Variants in LPAR3 observed in about 807,000 individuals in gnomAD.
LPAR3 encodes the protein lysophosphatidic acid receptor 3.
LPAR3 carries 7 observed loss-of-function variants against 17.8 expected under a neutral mutation model. That is an observed-to-expected ratio of 0.39 (90% CI 0.22 to 0.74). LPAR3 has a LOEUF of 0.74. LPAR3 is among the 30% of genes least tolerant of loss of function. LPAR3 has a pLI of 0.40. For synonymous variants in LPAR3, 179 were observed against 179.9 expected (o/e 0.99, Z 0.04); for missense variants, 391 against 453.4 (o/e 0.86, Z 1.25).
At chr1:84,851,364 GGTCCCAC>G (rs1659708431) in intron 2 of LPAR3, among the ~76,000 whole-genome samples, 1 of 150,962 alleles carries the variant, frequency 6.6e-6, no homozygotes, top group African/African-American at 2.4e-5. Flanking sequence ...TCCCACCCCA[GGTCCCAC>G]CCAATAAGCA....
At chr1:84,875,176 A>C (rs1434670098) in intron 1 of LPAR3, among the ~76,000 whole-genome samples, 1 of 152,226 alleles carries the variant, frequency 6.6e-6, no homozygotes, top group Non-Finnish European at 1.5e-5. Context: ...CTGAGATGAC[A>C]GACGTGAGCC....
chr1:84,849,250 C>T (rs1659653716), intron 2 of LPAR3, among the ~76,000 whole-genome samples: 1 of 151,588 alleles, frequency 6.6e-6, no homozygotes, highest in South Asian at 2.1e-4. Context: ...TGGTGGGCAC[C>T]TGTAGTCCCA....
At chr1:84,888,922 G>A (rs1329140261) in intron 1 of LPAR3, among the ~76,000 whole-genome samples, 1 of 152,142 alleles carries the variant, frequency 6.6e-6, no homozygotes, top group East Asian at 1.9e-4. Flanking sequence ...GAAGGGGTGG[G>A]GCAGGCTGTG....
intron 1 of LPAR3, among the ~76,000 whole-genome samples, chr1:84,888,639 T>C (rs564322266): frequency 6.6e-6 from 1 of 152,330 alleles, no homozygotes; most frequent in South Asian, 2.1e-4. Context: ...GGGGCTTGCC[T>C]TAAAGCTGCA....
intron 1 of LPAR3, among the ~76,000 whole-genome samples, chr1:84,888,223 G>A (rs1660495666): frequency 6.6e-6 from 1 of 151,766 alleles, no homozygotes. Flanking sequence ...GAGAGAGAGG[G>A]AGAGATTGAG....
chr1:84,859,926 T>C (rs915768874), intron 2 of LPAR3, among the ~76,000 whole-genome samples: 2 of 152,260 alleles, frequency 1.3e-5, no homozygotes, highest in African/African-American at 4.8e-5. Flanking sequence ...GGGTTTCTTG[T>C]GTGTTTGGTT....
chr1:84,851,648 G>A (rs902515734), intron 2 of LPAR3, among the ~76,000 whole-genome samples: 19 of 152,202 alleles, frequency 1.2e-4, no homozygotes, highest in African/African-American at 2.4e-4. Flanking sequence ...CTCTTGAGTC[G>A]GATCTTGAAA....
At chr1:84,829,180 T>TTTG (rs1553146936) in intron 2 of LPAR3, among the ~76,000 whole-genome samples, 1 of 123,754 alleles carries the variant, frequency 8.1e-6, no homozygotes, top group South Asian at 2.8e-4. Context: ...TTTTTTTTTT[T>TTTG]GCTTATTGGT....
At chr1:84,834,034 T>G (rs539710842) in intron 2 of LPAR3, among the ~76,000 whole-genome samples, 2 of 152,328 alleles carry the variant, frequency 1.3e-5, no homozygotes, top group South Asian at 2.1e-4. Flanking sequence ...AGAACAAAGC[T>G]GTCCAGATGG....
intron 2 of LPAR3, among the ~76,000 whole-genome samples, chr1:84,831,648 T>G (rs1217022555): frequency 6.6e-6 from 1 of 151,900 alleles, no homozygotes; most frequent in Non-Finnish European, 1.5e-5. Flanking sequence ...AAATAGAGGA[T>G]TCTTTCAAAC....
intron 1 of LPAR3, among the ~76,000 whole-genome samples, chr1:84,878,798 T>C (rs1046733476): frequency 6.6e-6 from 1 of 152,182 alleles, no homozygotes; most frequent in African/African-American, 2.4e-5. Flanking sequence ...GGTTTGGAAC[T>C]GGAAAGCCTC....
At chr1:84,869,766 T>C (rs1309295946) in intron 1 of LPAR3, among the ~76,000 whole-genome samples, 1 of 152,248 alleles carries the variant, frequency 6.6e-6, no homozygotes, top group Admixed American at 6.5e-5. Flanking sequence ...TCTTCTACAA[T>C]TATGGCTTTG....
In LPAR3 at chr1:84,813,896, T is replaced by C; in HGVS notation, c.1012A>G (p.Ile338Val). The C allele has an allele frequency of 1.9e-6, 3 of 1,614,176 alleles. No individual in the cohort carries two copies. Among genetic ancestry groups the C allele is most frequent in the East Asian group, 4.5e-5 (2 of 44,890 alleles). ...GCACCTTGGCTAATACTATCCTCTA[T>C]GTACTGGCTGCCTGTGTCACTCCTG... ...LSRSDTGSQYIEDSISQGAVC... is the reference protein window; with the variant it reads ...LSRSDTGSQYVEDSISQGAVC... The change falls in exon 3 of 3, where the codon ATA (isoleucine) becomes GTA (valine). Residue 338 changes from isoleucine to valine, a missense_variant. Physicochemically the swap from Ile to Val is conservative, Grantham distance 29 (BLOSUM62 3). Transcript: ENST00000370611.
intron 1 of LPAR3, among the ~76,000 whole-genome samples, chr1:84,868,024 T>C (rs964506589): frequency 2.2e-4 from 34 of 152,378 alleles, no homozygotes; most frequent in African/African-American, 7.5e-4. Context: ...TCTTTAGGAA[T>C]AACCCATAGA....
chr1:84,834,157 C>A (rs1288114029), intron 2 of LPAR3, among the ~76,000 whole-genome samples: 1 of 152,058 alleles, frequency 6.6e-6, no homozygotes, highest in African/African-American at 2.4e-5. Context: ...ATTTTCATGT[C>A]CACTTTCTCA....
intron 1 of LPAR3, among the ~76,000 whole-genome samples, chr1:84,867,938 G>A (rs1660084795): frequency 1.3e-5 from 2 of 152,224 alleles, no homozygotes; most frequent in East Asian, 3.9e-4. Flanking sequence ...GGACATTAGG[G>A]TTGCTTCCTG....
chr1:84,871,015 T>C (rs979697005), intron 1 of LPAR3, among the ~76,000 whole-genome samples: 3 of 152,234 alleles, frequency 2.0e-5, no homozygotes, highest in African/African-American at 7.2e-5. Flanking sequence ...GAAGACACTT[T>C]TCTGAAAATA....
chr1:84,863,951 C>T (rs369170309), intron 2 of LPAR3, among the ~76,000 whole-genome samples: 8 of 152,162 alleles, frequency 5.3e-5, no homozygotes, highest in African/African-American at 1.9e-4. Context: ...GTGGCTCACA[C>T]CTGTAATCCC....
At chr1:84,858,483 CAAAAAA>C (rs10615696) in intron 2 of LPAR3, among the ~76,000 whole-genome samples, 1 of 105,774 alleles carries the variant, frequency 9.5e-6, no homozygotes, top group Non-Finnish European at 1.9e-5. Context: ...GAGACTGTCT[CAAAAAA>C]AAAAAAAAAA....
Sources: gnomAD v4.1 joint callset for allele counts (sites outside exome capture counted in the v4.1 genomes callset) on GRCh38, gnomAD v4.1.1 for gene constraint, MANE v1.5 for transcripts, NCBI Gene and HGNC (gene_info 2026-07-23, HGNC 2026-07-21) for gene names.